SPATA17: variants seen among roughly 807,000 people sequenced by gnomAD.
SPATA17 encodes spermatogenesis-associated protein 17.
Under a neutral mutation model 62.2 loss-of-function variants are expected in SPATA17, and 53 were observed. The ratio of observed to expected loss-of-function variants is 0.85; its 90% confidence interval spans 0.68 to 1.07. The LOEUF (loss-of-function observed/expected upper bound fraction) is 1.07. Among genes scored for constraint, SPATA17 ranks in the 50% least tolerant of loss-of-function variants. SPATA17 has a pLI of 0.00. For synonymous variants in SPATA17, 146 were observed against 146.8 expected, an observed-to-expected ratio of 0.99 and a Z score of 0.04; for missense variants, 466 against 425.5, an observed-to-expected ratio of 1.10 and a Z score of -0.84.
chr1:217,725,078 T>C (rs1018593574), intron 5 of SPATA17, among the ~76,000 whole-genome samples: 2 of 152,212 alleles, frequency 1.3e-5, no homozygotes, highest in African/African-American at 2.4e-5. Flanking sequence ...TTTGATATTT[T>C]AGAGTTACTT....
intron 9 of SPATA17, among the ~76,000 whole-genome samples, chr1:217,817,389 C>T (rs1674745313): frequency 6.6e-6 from 1 of 152,018 alleles, no homozygotes; most frequent in Admixed American, 6.6e-5. Flanking sequence ...AGGTTTTCCC[C>T]TTCATTCAGC....
intron 6 of SPATA17, among the ~76,000 whole-genome samples, chr1:217,755,647 T>C (rs574601653): frequency 5.8e-4 from 88 of 152,120 alleles, no homozygotes; most frequent in Admixed American, 2.3e-3. Flanking sequence ...AATTAATTCA[T>C]GTAAACATAT....
At chr1:217,789,246 T>C (rs773766972) in intron 8 of SPATA17, among the ~76,000 whole-genome samples, 17 of 152,182 alleles carry the variant, frequency 1.1e-4, no homozygotes, top group Non-Finnish European at 1.5e-5. Context: ...CCCATAAACA[T>C]TTAGTAGCAT....
chr1:217,811,221 A>G (rs1409703524), intron 9 of SPATA17, among the ~76,000 whole-genome samples: 1 of 151,914 alleles, frequency 6.6e-6, no homozygotes, highest in Admixed American at 6.6e-5. Context: ...TTTTGTAGAG[A>G]TGGGGTTTAA....
intron 9 of SPATA17, among the ~76,000 whole-genome samples, chr1:217,847,198 T>G (rs995227686): frequency 6.6e-6 from 1 of 151,962 alleles, no homozygotes; most frequent in Non-Finnish European, 1.5e-5. Flanking sequence ...TATATTAATA[T>G]TAAGACTAAA....
intron 5 of SPATA17, among the ~76,000 whole-genome samples, chr1:217,686,412 A>T (rs1571730750): frequency 6.6e-6 from 1 of 152,042 alleles, no homozygotes; most frequent in Non-Finnish European, 1.5e-5. Context: ...TAATTACAAT[A>T]TGTACTTTAG....
intron 3 of SPATA17, among the ~76,000 whole-genome samples, chr1:217,655,886 G>A (rs1208304304): frequency 6.6e-6 from 1 of 152,174 alleles, no homozygotes; most frequent in South Asian, 2.1e-4. Flanking sequence ...AGCACCTTTA[G>A]TCCCATTATT....
chr1:217,774,856 T>G (rs977146296), intron 7 of SPATA17, among the ~76,000 whole-genome samples: 4 of 152,194 alleles, frequency 2.6e-5, no homozygotes, highest in African/African-American at 2.4e-5. Context: ...CTGAATAATA[T>G]TCTATTTTAT....
At chr1:217,778,658 G>A (rs1673655998) in intron 7 of SPATA17, among the ~76,000 whole-genome samples, 1 of 152,066 alleles carries the variant, frequency 6.6e-6, no homozygotes, top group Admixed American at 6.6e-5. Context: ...AATAAAATAA[G>A]GGCATGTAAA....
intron 5 of SPATA17, among the ~76,000 whole-genome samples, chr1:217,702,790 CT>C (rs894187915): frequency 6.6e-5 from 10 of 151,990 alleles, no homozygotes; most frequent in African/African-American, 1.7e-4. Flanking sequence ...CTTAAATTAG[CT>C]TTATCCCATA....
chr1:217,686,233 A>T (rs753318153), intron 5 of SPATA17, among the ~76,000 whole-genome samples: 50 of 152,144 alleles, frequency 3.3e-4, no homozygotes, highest in Non-Finnish European at 5.6e-4. Context: ...TTTAAAATAA[A>T]TACTTTATAA....
At position 217,651,329 on chromosome 1, in the gene SPATA17, A is replaced by C. The variant is rs1236637388; in HGVS notation, c.240+151A>C. ...GGGCTTAATTTTTAGTATGAGACCT[A>C]TTCTTGAAAGCATTTTCTGATATTT... On this transcript the variant is annotated intron_variant, in intron 3 of 10. Transcript: ENST00000366933. 7.0e-6 allele frequency: 4 copies of C among 573,340 alleles called. No homozygotes were observed. The Admixed American group carries it at 1.5e-4, about 22-fold the overall frequency. 35.5% of individuals were successfully genotyped at this position (573,340 alleles called of 1,614,324 possible).
At chr1:217,800,011 C>T (rs1039971383) in intron 8 of SPATA17, among the ~76,000 whole-genome samples, 4 of 151,872 alleles carry the variant, frequency 2.6e-5, no homozygotes, top group African/African-American at 4.8e-5. Context: ...TCATTAATAC[C>T]GTATCTCCTT....
At chr1:217,838,366 A>G (rs1675309388) in intron 9 of SPATA17, among the ~76,000 whole-genome samples, 1 of 152,060 alleles carries the variant, frequency 6.6e-6, no homozygotes, top group East Asian at 1.9e-4. Context: ...CTAGTGTTGT[A>G]GAGAACTTGA....
intron 1 of SPATA17, among the ~76,000 whole-genome samples, chr1:217,647,769 G>C (rs1670220554): frequency 6.6e-6 from 1 of 151,736 alleles, no homozygotes; most frequent in Admixed American, 6.6e-5. Context: ...TGTCGCCCAG[G>C]CTGGAGTGCA....
chr1:217,830,755 T>C (rs1384519579), intron 9 of SPATA17, among the ~76,000 whole-genome samples: 1 of 152,066 alleles, frequency 6.6e-6, no homozygotes, highest in Non-Finnish European at 1.5e-5. Flanking sequence ...TTGATAACGG[T>C]GTTATTAACT....
At chr1:217,759,514 G>T (rs1220717955) in intron 6 of SPATA17, among the ~76,000 whole-genome samples, 1 of 152,138 alleles carries the variant, frequency 6.6e-6, no homozygotes, top group Non-Finnish European at 1.5e-5. Flanking sequence ...ATGGGGAACT[G>T]AGTTAAGGAA....
intron 9 of SPATA17, among the ~76,000 whole-genome samples, chr1:217,806,073 A>C (rs974677067): frequency 5.9e-5 from 9 of 152,250 alleles, no homozygotes; most frequent in African/African-American, 2.2e-4. Context: ...TAGGACAAGC[A>C]AAGGGGTGAT....
At chr1:217,765,571 A>C (rs532822683) in intron 6 of SPATA17, among the ~76,000 whole-genome samples, 19 of 151,968 alleles carry the variant, frequency 1.3e-4, no homozygotes, top group Non-Finnish European at 2.7e-4. Context: ...GGAGGTCTCC[A>C]GTTTTCTTTC....
Sources: gnomAD v4.1 joint callset for allele counts (sites outside exome capture counted in the v4.1 genomes callset) on GRCh38, gnomAD v4.1.1 for gene constraint, MANE v1.5 for transcripts, NCBI Gene and HGNC (gene_info 2026-07-23, HGNC 2026-07-21) for gene names.